The following REEP3 variants were observed in gnomAD, a reference collection of about 807,000 sequenced individuals.
The protein encoded by REEP3 is receptor expression-enhancing protein 3.
Under a neutral mutation model 41.3 loss-of-function variants are expected in REEP3, and 20 were observed. The observed-to-expected ratio is 0.48, with a 90% CI of 0.34 to 0.70. REEP3 has a LOEUF of 0.70. Ranked by LOEUF, REEP3 falls within the 30% of genes least tolerant of loss-of-function variation. The pLI, the probability that REEP3 is intolerant of heterozygous loss-of-function variation, is 0.01. For synonymous variants in REEP3, 104 were observed against 101.8 expected (o/e 1.02, Z -0.13); for missense variants, 271 against 308.8 (o/e 0.88, Z 0.92).
chr10:63,537,517 A>T (rs192712376), intron 1 of REEP3, among the ~76,000 whole-genome samples: 1 of 152,320 alleles, frequency 6.6e-6, no homozygotes, highest in Non-Finnish European at 1.5e-5. Flanking sequence ...TGTGTGCTTC[A>T]TAACTTAGAA....
intron 2 of REEP3, among the ~76,000 whole-genome samples, chr10:63,592,626 C>G (rs527780054): frequency 1.3e-5 from 2 of 152,266 alleles, no homozygotes; most frequent in African/African-American, 4.8e-5. Flanking sequence ...CGCGGTGGCT[C>G]ATGCCTGTAA....
intron 2 of REEP3, 109 bp downstream of exon 2, chr10:63,566,519 G>T (rs894407633): frequency 7.8e-6 from 5 of 639,016 alleles, no homozygotes; most frequent in Non-Finnish European, 8.1e-6. Flanking sequence ...GGGTTAAAAG[G>T]TGTTATGAAT....
At chr10:63,549,017 T>C (rs1261709254) in intron 1 of REEP3, among the ~76,000 whole-genome samples, 1 of 151,850 alleles carries the variant, frequency 6.6e-6, no homozygotes, top group African/African-American at 2.4e-5. Flanking sequence ...TATTAAAAAG[T>C]ACAGCTTACT....
chr10:63,615,632 A>G (rs1956306418), intron 6 of REEP3, among the ~76,000 whole-genome samples: 2 of 149,678 alleles, frequency 1.3e-5, no homozygotes, highest in East Asian at 2.0e-4. Context: ...TGCAGCCTCC[A>G]CCTCCCAGGT....
At chr10:63,586,866 G>A (rs1186207480) in intron 2 of REEP3, among the ~76,000 whole-genome samples, 1 of 151,834 alleles carries the variant, frequency 6.6e-6, no homozygotes, top group Admixed American at 6.6e-5. Flanking sequence ...TTGAGCTTCT[G>A]TTTTGTGCCA....
chr10:63,535,755 A>G (rs143870581), intron 1 of REEP3, among the ~76,000 whole-genome samples: 1 of 152,188 alleles, frequency 6.6e-6, no homozygotes, highest in African/African-American at 2.4e-5. Context: ...TAACTTAATA[A>G]ATAGTGTTGT....
At chr10:63,567,118 G>A (rs1955806136) in intron 2 of REEP3, among the ~76,000 whole-genome samples, 1 of 152,088 alleles carries the variant, frequency 6.6e-6, no homozygotes, top group Non-Finnish European at 1.5e-5. Flanking sequence ...AATAGCAAAA[G>A]CATATTGTAT....
intron 1 of REEP3, among the ~76,000 whole-genome samples, chr10:63,543,463 GTTTT>G (rs35146368): frequency 1.4e-5 from 2 of 138,298 alleles, no homozygotes; most frequent in African/African-American, 2.7e-5. Flanking sequence ...GCCCCATTAA[GTTTT>G]TTTTTTTTTT....
Position 63,618,213 on chromosome 10 carries a change from TTCATGGGGA to T in REEP3, c.566-1440_566-1432del, listed in dbSNP as rs1422841488. On this transcript the variant is annotated intron_variant, in intron 6 of 7. Transcript: ENST00000373758. The stretch of plus-strand genomic sequence containing the variant: ...TTTTTATTAAAGGAGAATTTATAAC[TTCATGGGGA>T]TTTCTTTCCTTCTTCTTTTTTTTTT... Among the ~76,000 whole-genome samples the T allele has an allele frequency of 2.0e-5, 3 of 150,302 alleles. No individual in the cohort carries two copies. In the East Asian group the frequency reaches 5.9e-4, roughly 30 times the overall value.
In REEP3 at chr10:63,611,785, A is replaced by AT. The variant is rs1302598086; in HGVS notation, c.565+1465dup. Among the ~76,000 whole-genome samples, 1,043 of 146,164 alleles carry AT rather than the reference A, an allele frequency of 7.1e-3. 9 individuals carry two copies. Among genetic ancestry groups the AT allele is most frequent in the African/African-American group, 0.023 (940 of 40,040 alleles). On this transcript the variant is annotated intron_variant, in intron 6 of 7. Coordinates refer to ENST00000373758, the MANE Select transcript of REEP3 (RefSeq NM_001001330.3). ...AGGAAAAATATCTCTGCAAAAAAAAATTTTTTTTTTTTTTATTAGCTGAGT... is the reference window on the plus strand; with the variant it reads ...AGGAAAAATATCTCTGCAAAAAAAAATTTTTTTTTTTTTTTATTAGCTGAGT...
chr10:63,596,549 A>G (rs11817169), intron 3 of REEP3, among the ~76,000 whole-genome samples: 18,862 of 152,024 alleles, frequency 0.12, 1,408 homozygotes, highest in East Asian at 0.28. Flanking sequence ...AAGAACTCAA[A>G]TTTGCTCAGC....
Position 63,521,514 on chromosome 10 carries a change from GC to G in REEP3, c.-28del. On this transcript the variant is annotated 5_prime_UTR_variant, in exon 1 of 8. Transcript: ENST00000373758. ...GGTCCGCAGCGCCCTGCGCCCACCC[GC>G]CCCGGACGTGGGGCCCAAGCCCCCG... The G allele has an allele frequency of 1.4e-6, 2 of 1,389,412 alleles. No homozygotes were observed. The highest frequency in any genetic ancestry group is 9.5e-7 in the Non-Finnish European group (1 of 1,057,090). The allele number at this position is 1,389,412 out of a possible 1,614,324, so 86.1% of individuals were successfully genotyped here.
chr10:63,570,825 G>A (rs939308827), intron 2 of REEP3, among the ~76,000 whole-genome samples: 1 of 152,174 alleles, frequency 6.6e-6, no homozygotes, highest in African/African-American at 2.4e-5. Flanking sequence ...CATCAAGGCT[G>A]CTAGAGAGGC....
intron 1 of REEP3, chr10:63,521,789 GGCGACT>G (rs1955256064): frequency 3.1e-6 from 1 of 321,986 alleles, no homozygotes. Flanking sequence ...GCCTAGCTGC[GGCGACT>G]GCGGCTGCGA....
At chr10:63,615,672 G>A (rs1956306703) in intron 6 of REEP3, among the ~76,000 whole-genome samples, 1 of 151,818 alleles carries the variant, frequency 6.6e-6, no homozygotes, top group Admixed American at 6.6e-5. Context: ...AGCCTCCCGA[G>A]TAGCTGGGAT....
At chr10:63,609,101 C>T (rs1240619708) in intron 5 of REEP3, among the ~76,000 whole-genome samples, 1 of 152,100 alleles carries the variant, frequency 6.6e-6, no homozygotes, top group African/African-American at 2.4e-5. Context: ...TAGGAAGAGC[C>T]GTTACCAGTC....
chr10:63,551,406 C>T (rs1955627455), intron 1 of REEP3, among the ~76,000 whole-genome samples: 1 of 151,962 alleles, frequency 6.6e-6, no homozygotes, highest in Admixed American at 6.6e-5. Context: ...GAGAAGAATC[C>T]ATATAATTTA....
chr10:63,529,228 A>G (rs1444742553), intron 1 of REEP3, among the ~76,000 whole-genome samples: 1 of 152,204 alleles, frequency 6.6e-6, no homozygotes, highest in Non-Finnish European at 1.5e-5. Flanking sequence ...AGCATTGAAT[A>G]AAGTTTTTTT....
At chr10:63,532,579 C>G (rs1431896971) in intron 1 of REEP3, among the ~76,000 whole-genome samples, 1 of 151,832 alleles carries the variant, frequency 6.6e-6, no homozygotes, top group Non-Finnish European at 1.5e-5. Context: ...TGGCGTGAAC[C>G]CAGGAGGCGG....
Sources: gnomAD v4.1 joint callset for allele counts (sites outside exome capture counted in the v4.1 genomes callset) on GRCh38, gnomAD v4.1.1 for gene constraint, MANE v1.5 for transcripts, NCBI Gene and HGNC (gene_info 2026-07-23, HGNC 2026-07-21) for gene names.